FBXO42: variants seen among roughly 807,000 people sequenced by gnomAD.
FBXO42 encodes the protein F-box protein 42.
In FBXO42, 12 loss-of-function variants were observed where a neutral mutation model predicts 71.7. That is an observed-to-expected ratio of 0.17 (90% CI 0.11 to 0.27). The LOEUF is 0.27. Among genes scored for constraint, FBXO42 ranks in the 10% least tolerant of loss-of-function variants. The probability of loss-of-function intolerance (pLI) is 1.00; values close to 1 mark genes in which losing one functional copy is unlikely to be tolerated. For synonymous variants in FBXO42, 325 were observed against 327.5 expected (o/e 0.99, Z 0.08); for missense variants, 707 against 911.9 (o/e 0.78, Z 2.89).
chr1:16,261,356 A>G (rs181119130), intron 4 of FBXO42, among the ~76,000 whole-genome samples: 8 of 152,316 alleles, frequency 5.3e-5, no homozygotes, highest in Admixed American at 3.3e-4. Flanking sequence ...TATCTTAGGT[A>G]AGGGCTTTCC....
intron 3 of FBXO42, among the ~76,000 whole-genome samples, chr1:16,300,091 A>G (rs894196601): frequency 2.0e-5 from 3 of 152,206 alleles, no homozygotes; most frequent in African/African-American, 4.8e-5. Flanking sequence ...AAAGAATTTG[A>G]GCAACTCCCA....
chr1:16,262,971 A>G (rs1035815972), intron 4 of FBXO42, among the ~76,000 whole-genome samples: 3 of 151,750 alleles, frequency 2.0e-5, no homozygotes, highest in African/African-American at 7.3e-5. Flanking sequence ...TCGGCCTCCC[A>G]AAGTGCTAGG....
intron 4 of FBXO42, among the ~76,000 whole-genome samples, chr1:16,290,213 A>C (rs2082063686): frequency 6.6e-6 from 1 of 152,242 alleles, no homozygotes; most frequent in East Asian, 1.9e-4. Flanking sequence ...AAGGAACTAA[A>C]GACAAGATTT....
intron 2 of FBXO42, among the ~76,000 whole-genome samples, chr1:16,310,172 C>A (rs1456307249): frequency 1.5e-5 from 2 of 132,330 alleles, no homozygotes; most frequent in African/African-American, 2.9e-5. Flanking sequence ...CCAGCCTGGG[C>A]AACAGAGCAA....
At chr1:16,317,274 T>C (rs1327333951) in intron 1 of FBXO42, among the ~76,000 whole-genome samples, 2 of 152,174 alleles carry the variant, frequency 1.3e-5, no homozygotes, top group Admixed American at 6.6e-5. Flanking sequence ...AAAAATTAGC[T>C]GGGCGTGGTA....
intron 3 of FBXO42, among the ~76,000 whole-genome samples, chr1:16,296,506 CAG>C (rs2082131642): frequency 1.3e-5 from 2 of 151,836 alleles, no homozygotes; most frequent in Admixed American, 6.6e-5. Context: ...AAAAATTAGC[CAG>C]GCGTGGTGGC....
rs369827056 is a variant in FBXO42 at position 16,256,201 on chromosome 1, G to C, written c.657-380C>G. 4.6e-5 allele frequency among the ~76,000 whole-genome samples: 7 copies of C among 152,296 alleles called. No individual in the cohort carries two copies. In the East Asian group the frequency reaches 9.7e-4, roughly 21 times the overall value. ...TCCATTACAAGAAACGGCGGTTGCTGTCATTAAGAGATATATGTTTGAAAA... is the reference window on the plus strand; with the variant it reads ...TCCATTACAAGAAACGGCGGTTGCTCTCATTAAGAGATATATGTTTGAAAA... On this transcript the variant is annotated intron_variant, in intron 5 of 9. Transcript: ENST00000375592.
At chr1:16,320,111 G>C (rs1356677441) in intron 1 of FBXO42, among the ~76,000 whole-genome samples, 1 of 151,812 alleles carries the variant, frequency 6.6e-6, no homozygotes, top group Non-Finnish European at 1.5e-5. Context: ...TGTAATCCCA[G>C]CACTCTGGAA....
In FBXO42 at chr1:16,249,415, T is replaced by C. The variant is rs779830037; in HGVS notation, c.*1255A>G. ...CGTCAAGAAGTCAAGTACATGATTC[T>C]CAACTCCATCACCTGCCAATAGCCA... On this transcript the variant is annotated 3_prime_UTR_variant, in exon 10 of 10. Transcript: ENST00000375592. 1.3e-5 allele frequency: 2 copies of C among 152,152 alleles called. No homozygotes were observed. Among genetic ancestry groups the C allele is most frequent in the Non-Finnish European group, 2.9e-5 (2 of 68,034 alleles). 9.4% of individuals were successfully genotyped at this position (152,152 alleles called of 1,614,324 possible).
chr1:16,350,757 A>AAAGAAAGAAAGGAAGAAAGAAAGAAAG (rs58974963), intron 1 of FBXO42, among the ~76,000 whole-genome samples: 1 of 44,248 alleles, frequency 2.3e-5, no homozygotes, highest in Non-Finnish European at 4.1e-5. Flanking sequence ...AAAAAAAAAA[A>AAAGAAAGAAAGGAAGAAAGAAAGAAAG]AAAGAAAGAA....
At chr1:16,253,232 T>C in intron 7 of FBXO42, 80 bp from the exon 8 acceptor site, 1 of 1,187,020 alleles carries the variant, frequency 8.4e-7, no homozygotes, top group Non-Finnish European at 1.2e-6. Flanking sequence ...TATATGAGAA[T>C]AGCCTACCTA....
chr1:16,333,030 C>T (rs1010483895), intron 1 of FBXO42, among the ~76,000 whole-genome samples: 1 of 152,106 alleles, frequency 6.6e-6, no homozygotes, highest in Non-Finnish European at 1.5e-5. Flanking sequence ...TGCTGGCCAT[C>T]CCCTCTTGCA....
intron 3 of FBXO42, among the ~76,000 whole-genome samples, chr1:16,302,123 A>C (rs1214887228): frequency 6.6e-6 from 1 of 152,202 alleles, no homozygotes; most frequent in Non-Finnish European, 1.5e-5. Flanking sequence ...ATAGTATATT[A>C]GGGAAGCAGA....
intron 4 of FBXO42, among the ~76,000 whole-genome samples, chr1:16,277,171 A>G (rs1484826610): frequency 6.6e-6 from 1 of 152,224 alleles, no homozygotes; most frequent in Non-Finnish European, 1.5e-5. Flanking sequence ...AGCTAGGAGT[A>G]TATTTGAAAG....
At chr1:16,319,558 C>A (rs2100585677) in intron 1 of FBXO42, among the ~76,000 whole-genome samples, 1 of 152,266 alleles carries the variant, frequency 6.6e-6, no homozygotes, top group South Asian at 2.1e-4. Flanking sequence ...AGGAGCAATT[C>A]CCTTCATTCC....
At chr1:16,260,851 C>T (rs2081704265) in intron 4 of FBXO42, among the ~76,000 whole-genome samples, 1 of 151,958 alleles carries the variant, frequency 6.6e-6, no homozygotes, top group African/African-American at 2.4e-5. Flanking sequence ...AGTCACAGGC[C>T]ACTACATCCA....
At chr1:16,338,736 T>C (rs1020312479) in intron 1 of FBXO42, among the ~76,000 whole-genome samples, 7 of 151,360 alleles carry the variant, frequency 4.6e-5, no homozygotes, top group Non-Finnish European at 1.5e-5. Flanking sequence ...AACAAAAATA[T>C]TCTGCAAAGA....
chr1:16,254,676 T>C (rs2081621740), intron 6 of FBXO42, among the ~76,000 whole-genome samples: 1 of 152,188 alleles, frequency 6.6e-6, no homozygotes, highest in African/African-American at 2.4e-5. Flanking sequence ...GGAGGACAGG[T>C]GTGGGATGGT....
intron 4 of FBXO42, among the ~76,000 whole-genome samples, chr1:16,270,785 CACACACAT>C (rs1376009398): frequency 1.8e-4 from 27 of 147,992 alleles, no homozygotes; most frequent in African/African-American, 4.1e-4. Context: ...CACACACACA[CACACACAT>C]ATAAAATTCC....
Sources: allele counts gnomAD v4.1 joint callset (sites outside exome capture counted in the v4.1 genomes callset), GRCh38; gene constraint gnomAD v4.1.1; transcripts MANE v1.5; gene names NCBI Gene and HGNC (gene_info 2026-07-23, HGNC 2026-07-21).